The following SEPTIN6 variants were observed in gnomAD, a reference collection of about 807,000 sequenced individuals.
The protein encoded by SEPTIN6 is septin 6.
SEPTIN6 carries 8 observed loss-of-function variants against 33.6 expected under a neutral mutation model. The observed-to-expected ratio is 0.24, with a 90% CI of 0.14 to 0.43. The LOEUF (loss-of-function observed/expected upper bound fraction) is 0.43. SEPTIN6 is among the 20% of genes least tolerant of loss of function. The pLI, the probability that SEPTIN6 is intolerant of heterozygous loss-of-function variation, is 1.00. For synonymous variants in SEPTIN6, 131 were observed against 140.0 expected (o/e 0.94, Z 0.45); for missense variants, 250 against 340.8 (o/e 0.73, Z 2.10).
In SEPTIN6 at chrX:119,619,770, G is replaced by A. The variant is rs1174476556; in HGVS notation, c.*323C>T. 9.8e-7 allele frequency: 1 copy of A among 1,025,453 alleles called. No homozygotes were observed. The highest frequency in any genetic ancestry group is 1.2e-6 in the Non-Finnish European group (1 of 803,127). 84.5% of individuals were successfully genotyped at this position (1,025,453 alleles called of 1,213,427 possible). ...AGTAGCAGATGGGCCCCCTGACCAT[G>A]TCACACCTCTGGCAAAGATGTGGGG... On this transcript the variant is annotated 3_prime_UTR_variant, in exon 11 of 11. Coordinates refer to ENST00000394610, the MANE Select transcript of SEPTIN6 (RefSeq NM_145799.4).
intron 3 of SEPTIN6, among the ~76,000 whole-genome samples, chrX:119,658,165 A>C (rs1252345961): frequency 8.9e-6 from 1 of 112,151 alleles, no homozygotes; most frequent in South Asian, 3.6e-4. Flanking sequence ...CCTTCCTCAC[A>C]GATAACCTCT....
chrX:119,689,078 T>C (rs2055112097), intron 1 of SEPTIN6, among the ~76,000 whole-genome samples: 1 of 111,494 alleles, frequency 9.0e-6, no homozygotes, highest in South Asian at 3.7e-4. Context: ...CCCAGCTAAC[T>C]TTGTAGGGCA....
At chrX:119,672,606 T>C (rs1174916884) in intron 2 of SEPTIN6, among the ~76,000 whole-genome samples, 1 of 112,056 alleles carries the variant, frequency 8.9e-6, no homozygotes, top group Non-Finnish European at 1.9e-5. Context: ...TCATATGGAG[T>C]TCTGGGAAGA....
chrX:119,658,925 T>G (rs2054496030), intron 3 of SEPTIN6, among the ~76,000 whole-genome samples: 1 of 112,227 alleles, frequency 8.9e-6, no homozygotes, highest in African/African-American at 3.2e-5. Context: ...TCCCCATCTG[T>G]AGCTTGTTTG....
chrX:119,662,624 C>T (rs2054568414), intron 3 of SEPTIN6, among the ~76,000 whole-genome samples: 1 of 112,324 alleles, frequency 8.9e-6, no homozygotes, highest in South Asian at 3.7e-4. Context: ...CTCATCTCAC[C>T]GTTTTTTCCC....
chrX:119,680,711 G>A (rs1178951164), intron 1 of SEPTIN6, among the ~76,000 whole-genome samples: 2 of 109,872 alleles, frequency 1.8e-5, no homozygotes, highest in African/African-American at 3.3e-5. Flanking sequence ...GGCCAGGCAC[G>A]ATGGCTCACG....
At chrX:119,638,363 G>C (rs1336935955) in intron 6 of SEPTIN6, among the ~76,000 whole-genome samples, 1 of 111,941 alleles carries the variant, frequency 8.9e-6, no homozygotes. Context: ...CCAAGTCATA[G>C]CAAAATCGAT....
chrX:119,636,061 C>G (rs2054056322), intron 7 of SEPTIN6, among the ~76,000 whole-genome samples: 1 of 111,292 alleles, frequency 9.0e-6, no homozygotes, highest in South Asian at 3.8e-4. Context: ...AGGGAGCTCC[C>G]ACCAGAAAAA....
intron 3 of SEPTIN6, among the ~76,000 whole-genome samples, chrX:119,656,946 G>A (rs5910628): frequency 9.3e-6 from 1 of 108,056 alleles, no homozygotes; most frequent in Non-Finnish European, 1.9e-5. Context: ...AGGCCAGGTG[G>A]GGTGGCTCAC....
At chrX:119,653,133 T>C (rs926316018) in intron 3 of SEPTIN6, 93 bp from the exon 4 acceptor site, 18 of 693,362 alleles carry the variant, frequency 2.6e-5, no homozygotes, top group Non-Finnish European at 3.7e-5. Flanking sequence ...CTCTGTAATC[T>C]TGACTCTCTC....
At chrX:119,616,599 G>T, downstream of SEPTIN6, 1 of 713,696 alleles carries the variant, frequency 1.4e-6, no homozygotes, top group Non-Finnish European at 2.2e-6. Context: ...TGAGTGGTGT[G>T]GTGTATGTGT....
chrX:119,652,899 G>A lies in SEPTIN6; in HGVS notation c.483C>T (p.Ser161=). The A allele has an allele frequency of 8.3e-7, 1 of 1,210,550 alleles. No individual in the cohort carries two copies. The change falls in exon 4 of 11, where the codon TCC becomes TCT. Residue 161 remains serine (S), a synonymous_variant. Transcript: ENST00000394610. ...CLYFIAPTGH[S]LKSLDLVTMK... is the part of the protein sequence containing the mutation. The stretch of plus-strand genomic sequence containing the variant: ...TAGTCACTAGGTCCAGAGACTTCAG[G>A]GAATGACCCGTGGGGGCAATGAAAT...
At chrX:119,684,322 A>G (rs187263232) in intron 1 of SEPTIN6, among the ~76,000 whole-genome samples, 367 of 110,967 alleles carry the variant, frequency 3.3e-3, no homozygotes, top group Middle Eastern at 0.023. Context: ...ATAATGATTC[A>G]TGTGAACCAG....
Position 119,620,012 on chromosome X carries a change from C to T in SEPTIN6, c.*81G>A, listed in dbSNP as rs1332384569. 1.7e-6 allele frequency: 2 copies of T among 1,204,607 alleles called. No homozygotes were observed. On this transcript the variant is annotated 3_prime_UTR_variant, in exon 11 of 11. Transcript: ENST00000394610. ...GGAAATTAGAGAAAGGGAGGCCCAG[C>T]TCTGTTGCGCAGGAAAAGGGTGTCT...
At chrX:119,660,062 CG>C (rs56789009) in intron 3 of SEPTIN6, among the ~76,000 whole-genome samples, 2,686 of 108,659 alleles carry the variant, frequency 0.025, 68 homozygotes, top group African/African-American at 0.076. Context: ...TTAGTAGAGA[CG>C]GGGGTTTCAC....
intron 3 of SEPTIN6, among the ~76,000 whole-genome samples, chrX:119,660,421 ATTT>A (rs2147569403): frequency 8.9e-6 from 1 of 112,341 alleles, no homozygotes; most frequent in South Asian, 3.7e-4. Context: ...ATTTCTACTT[ATTT>A]GATTTATTAT....
chrX:119,682,547 C>T (rs5957211), intron 1 of SEPTIN6, among the ~76,000 whole-genome samples: 25,392 of 110,960 alleles, frequency 0.23, 4,297 homozygotes, highest in African/African-American at 0.59. Context: ...GGCAGAAACA[C>T]TGCTCTCTTT....
chrX:119,639,970 AT>A (rs10643733), intron 6 of SEPTIN6, among the ~76,000 whole-genome samples: 11 of 96,918 alleles, frequency 1.1e-4, no homozygotes, highest in Non-Finnish European at 1.2e-4. Context: ...TACCTGACTA[AT>A]TTTTTTTTTT....
intron 3 of SEPTIN6, among the ~76,000 whole-genome samples, chrX:119,654,215 A>G (rs1156403038): frequency 9.0e-6 from 1 of 111,456 alleles, no homozygotes; most frequent in East Asian, 2.8e-4. Context: ...AAGTCTTGCC[A>G]AGGCTTCTTA....
Sources: gnomAD v4.1 joint callset for allele counts (sites outside exome capture counted in the v4.1 genomes callset) on GRCh38, gnomAD v4.1.1 for gene constraint, MANE v1.5 for transcripts, NCBI Gene and HGNC (gene_info 2026-07-23, HGNC 2026-07-21) for gene names.